UNC5C: variants seen among roughly 807,000 people sequenced by gnomAD.
UNC5C encodes unc-5 netrin receptor C, also known as netrin receptor UNC5C.
Under a neutral mutation model 99.8 loss-of-function variants are expected in UNC5C, and 47 were observed. The observed-to-expected ratio is 0.47, with a 90% CI of 0.37 to 0.60. The LOEUF is 0.60. UNC5C is among the 20% of genes least tolerant of loss of function. UNC5C has a pLI of 0.00. For synonymous variants in UNC5C, 487 were observed against 452.2 expected, an observed-to-expected ratio of 1.08 and a Z score of -0.98; for missense variants, 1,062 against 1,165.9, an observed-to-expected ratio of 0.91 and a Z score of 1.30.
At chr4:95,176,092 A>G (rs1444501849) in intron 14 of UNC5C, among the ~76,000 whole-genome samples, 6 of 143,650 alleles carry the variant, frequency 4.2e-5, no homozygotes, top group Admixed American at 2.1e-4. Context: ...TTTCAGCTCC[A>G]TCAGCTCCTT....
At chr4:95,445,263 GT>G (rs546759735) in intron 1 of UNC5C, among the ~76,000 whole-genome samples, 4 of 151,480 alleles carry the variant, frequency 2.6e-5, no homozygotes, top group African/African-American at 7.3e-5. Context: ...TCCATTCTTA[GT>G]TTTTTTCTCC....
chr4:95,276,943 G>T (rs1199416277), intron 4 of UNC5C, among the ~76,000 whole-genome samples: 4 of 151,986 alleles, frequency 2.6e-5, no homozygotes, highest in African/African-American at 9.7e-5. Flanking sequence ...GAAAAATGGG[G>T]TTATTTCATA....
intron 1 of UNC5C, among the ~76,000 whole-genome samples, chr4:95,364,805 A>G (rs990884603): frequency 6.6e-6 from 1 of 152,178 alleles, no homozygotes; most frequent in Non-Finnish European, 1.5e-5. Context: ...CTTCATCGTC[A>G]TCAAATCATT....
chr4:95,260,327 C>T lies in UNC5C; in HGVS notation c.595-9660G>A, dbSNP rs566723522. Among the ~76,000 whole-genome samples the T allele has an allele frequency of 2.1e-4, 32 of 152,254 alleles. No homozygotes were observed. The East Asian group carries it at 4.4e-3, about 21-fold the overall frequency. ...TTGTTATCATTAACCAGTCTTTTAC[C>T]ATTAAACTTAAACAGCCAATTGAAA... On this transcript the variant is annotated intron_variant, in intron 4 of 15. Transcript: ENST00000453304.
intron 2 of UNC5C, among the ~76,000 whole-genome samples, chr4:95,317,228 T>G (rs368741320): frequency 2.6e-5 from 4 of 152,240 alleles, no homozygotes; most frequent in Non-Finnish European, 4.4e-5. Context: ...ATTGAAGCAC[T>G]TTGGAGGCAG....
At chr4:95,421,408 A>G (rs1279450448) in intron 1 of UNC5C, among the ~76,000 whole-genome samples, 3 of 152,210 alleles carry the variant, frequency 2.0e-5, no homozygotes, top group African/African-American at 4.8e-5. Context: ...CAAAATTGGA[A>G]AAGTAAAAAT....
rs55757843 is a variant in UNC5C, at chr4:95,439,347, A to C, written c.125-103716T>G. Among the ~76,000 whole-genome samples the C allele has an allele frequency of 2.8e-3, 432 of 151,840 alleles. 4 individuals are homozygous for C. Among genetic ancestry groups the C allele is most frequent in the African/African-American group, 9.9e-3 (408 of 41,410 alleles). On this transcript the variant is annotated intron_variant, in intron 1 of 15. Transcript: ENST00000453304. Reference sequence around the variant, plus strand: ...CATAAACTCAAGAGGAAAAATCTGAATCATTTAGCAAAAAGAAGTGTTACA... The same window carrying C: ...CATAAACTCAAGAGGAAAAATCTGACTCATTTAGCAAAAAGAAGTGTTACA...
chr4:95,363,734 G>A (rs1175073469), intron 1 of UNC5C, among the ~76,000 whole-genome samples: 1 of 152,064 alleles, frequency 6.6e-6, no homozygotes, highest in Non-Finnish European at 1.5e-5. Context: ...TGCAGATGCC[G>A]CTTTTCACTG....
At chr4:95,463,186 A>G (rs1747658234) in intron 1 of UNC5C, among the ~76,000 whole-genome samples, 1 of 152,082 alleles carries the variant, frequency 6.6e-6, no homozygotes, top group Admixed American at 6.5e-5. Flanking sequence ...TTGGAGTGTC[A>G]GCCAGGCTGC....
intron 2 of UNC5C, among the ~76,000 whole-genome samples, chr4:95,312,091 A>G (rs1260328343): frequency 6.6e-6 from 1 of 151,018 alleles, no homozygotes; most frequent in Non-Finnish European, 1.5e-5. Context: ...AAAAAACAAA[A>G]AAAACCCCAA....
chr4:95,422,241 G>A (rs1055875596), intron 1 of UNC5C, among the ~76,000 whole-genome samples: 1 of 152,182 alleles, frequency 6.6e-6, no homozygotes, highest in African/African-American at 2.4e-5. Context: ...TTCTTGGCAT[G>A]TTATGGTCTC....
intron 4 of UNC5C, among the ~76,000 whole-genome samples, chr4:95,266,702 T>C (rs1300246130): frequency 6.6e-6 from 1 of 152,224 alleles, no homozygotes; most frequent in Non-Finnish European, 1.5e-5. Flanking sequence ...ATAATTTCTT[T>C]TGAGTAGCAA....
At chr4:95,409,508 T>C (rs968060483) in intron 1 of UNC5C, among the ~76,000 whole-genome samples, 1 of 152,240 alleles carries the variant, frequency 6.6e-6, no homozygotes, top group Non-Finnish European at 1.5e-5. Context: ...GTTGCTCTGA[T>C]GAATAAAATA....
At chr4:95,429,559 GA>G (rs960815299) in intron 1 of UNC5C, among the ~76,000 whole-genome samples, 7 of 151,940 alleles carry the variant, frequency 4.6e-5, no homozygotes, top group African/African-American at 1.7e-4. Context: ...AAAAAAAGAA[GA>G]AAAAAAATTA....
chr4:95,323,426 T>A (rs1742771924), intron 2 of UNC5C, among the ~76,000 whole-genome samples: 1 of 152,200 alleles, frequency 6.6e-6, no homozygotes, highest in Non-Finnish European at 1.5e-5. Flanking sequence ...TGAAGTTCCA[T>A]CTGACGTAAG....
chr4:95,467,337 A>T (rs1390221605), intron 1 of UNC5C, among the ~76,000 whole-genome samples: 2 of 152,208 alleles, frequency 1.3e-5, no homozygotes, highest in Non-Finnish European at 2.9e-5. Flanking sequence ...AAGGAATAGA[A>T]CAACAGGAAA....
chr4:95,286,553 A>T (rs573233601), intron 3 of UNC5C, among the ~76,000 whole-genome samples: 2 of 152,332 alleles, frequency 1.3e-5, no homozygotes, highest in African/African-American at 4.8e-5. Context: ...AGAGTCCCAG[A>T]GCTCACTTTT....
At chr4:95,353,353 T>C (rs1169632910) in intron 1 of UNC5C, among the ~76,000 whole-genome samples, 2 of 152,022 alleles carry the variant, frequency 1.3e-5, no homozygotes, top group South Asian at 2.1e-4. Flanking sequence ...GATTATATAT[T>C]ATAAATTAAA....
At chr4:95,344,704 A>C (rs1320134640) in intron 1 of UNC5C, among the ~76,000 whole-genome samples, 1 of 152,260 alleles carries the variant, frequency 6.6e-6, no homozygotes, top group African/African-American at 2.4e-5. Flanking sequence ...CAGGGGACAA[A>C]GTTAAAGTGT....
Sources: allele counts gnomAD v4.1 joint callset (sites outside exome capture counted in the v4.1 genomes callset), GRCh38; gene constraint gnomAD v4.1.1; transcripts MANE v1.5; gene names NCBI Gene and HGNC (gene_info 2026-07-23, HGNC 2026-07-21).